ABITRAM: variants seen among roughly 807,000 people sequenced by gnomAD.
ABITRAM encodes the protein protein Abitram.
ABITRAM carries 19 observed loss-of-function variants against 22.9 expected under a neutral mutation model. The observed-to-expected ratio is 0.83, with a 90% CI of 0.58 to 1.22. The LOEUF is 1.22. ABITRAM is among the 50% of genes most tolerant of loss of function. The pLI, the probability that ABITRAM is intolerant of heterozygous loss-of-function variation, is 0.00. For missense variants in ABITRAM, 215 were observed against 220.2 expected, an observed-to-expected ratio of 0.98 and a Z score of 0.15; for synonymous variants, 70 against 73.9, an observed-to-expected ratio of 0.95 and a Z score of 0.27.
chr9:108,948,096 C>T (rs28361176), intron 3 of ABITRAM: 16 of 1,407,146 alleles, frequency 1.1e-5, no homozygotes, highest in Admixed American at 3.6e-5. Context: ...TAAGCATATA[C>T]ACATGATATA....
chr9:108,937,581 C>G (rs1830205159), intron 3 of ABITRAM, among the ~76,000 whole-genome samples: 1 of 152,176 alleles, frequency 6.6e-6, no homozygotes, highest in South Asian at 2.1e-4. Context: ...GATTTTTCCT[C>G]ACTCAAGAAA....
chr9:108,950,512 T>C (rs2132089739), exon 4 of ABITRAM: 1 of 1,549,104 alleles, frequency 6.5e-7, no homozygotes, highest in Non-Finnish European at 8.7e-7. Flanking sequence ...TCCAGAGAAT[T>C]ATCTATCTAG....
At chr9:108,947,757 C>T (rs1346412551) in intron 3 of ABITRAM, among the ~76,000 whole-genome samples, 1 of 152,014 alleles carries the variant, frequency 6.6e-6, no homozygotes, top group Non-Finnish European at 1.5e-5. Flanking sequence ...TACTTAATAC[C>T]CTCTAATAGT....
chr9:108,943,130 T>G (rs1342228554), downstream of ABITRAM: 7 of 1,210,510 alleles, frequency 5.8e-6, no homozygotes, highest in Non-Finnish European at 8.1e-6. Context: ...CATGATAAAA[T>G]TTCTCCATAT....
At chr9:108,948,124 C>T (rs920937603) in intron 3 of ABITRAM, 1 of 1,544,340 alleles carries the variant, frequency 6.5e-7, no homozygotes. Flanking sequence ...ATCTGGAAAA[C>T]ATTTATTACC....
intron 3 of ABITRAM, among the ~76,000 whole-genome samples, chr9:108,937,586 A>G (rs889374740): frequency 6.6e-6 from 1 of 152,198 alleles, no homozygotes; most frequent in African/African-American, 2.4e-5. Context: ...TTCCTCACTC[A>G]AGAAACTAGT....
chr9:108,950,717 C>T (rs1300365523), exon 4 of ABITRAM: 2 of 1,340,416 alleles, frequency 1.5e-6, no homozygotes, highest in Non-Finnish European at 1.0e-6. Flanking sequence ...GGTGACTTTG[C>T]AAAAATAAAT....
chr9:108,939,865 T>G lies in ABITRAM; in HGVS notation c.*179T>G, dbSNP rs1376829488. ...TCTTCATAATGAGCCTTGGTTCCCA[T>G]TTGTCTACAGCCTGCCAGATCTGGC... On this transcript the variant is annotated 3_prime_UTR_variant, in exon 6 of 6. Transcript: ENST00000322940. 5.9e-6 allele frequency: 4 copies of G among 676,890 alleles called. No homozygotes were observed. The highest frequency in any genetic ancestry group is 9.5e-6 in the Non-Finnish European group (4 of 419,648). The allele number at this position is 676,890 out of a possible 1,614,324, so 41.9% of individuals were successfully genotyped here.
rs113951065 is a variant in ABITRAM, at chr9:108,950,112, A to G, written c.262-395A>G. 2.6e-3 allele frequency among the ~76,000 whole-genome samples: 393 copies of G among 152,262 alleles called. 2 individuals carry two copies. Among genetic ancestry groups the G allele is most frequent in the African/African-American group, 8.9e-3 (370 of 41,544 alleles). ...ATATCAAACTATATTCATTAATAAT[A>G]TATTCCCCCAAGTCTTATTAGTCAA... On this transcript the variant is annotated intron_variant, in intron 3 of 3. Transcript: ENST00000374624.
chr9:108,935,004 A>C (rs760044547), intron 1 of ABITRAM, among the ~76,000 whole-genome samples: 1 of 152,178 alleles, frequency 6.6e-6, no homozygotes, highest in Non-Finnish European at 1.5e-5. Flanking sequence ...GATTAGAGAC[A>C]TTTAGAAAGA....
rs767557342 is a variant in ABITRAM, at chr9:108,936,365, T to G, written c.189T>G (p.Ile63Met). 47 of 1,613,864 alleles carry G rather than the reference T, an allele frequency of 2.9e-5. No homozygotes were observed. Among genetic ancestry groups the G allele is most frequent in the Non-Finnish European group, 4.2e-6 (5 of 1,179,956 alleles). Residue 63 changes from isoleucine (I) to methionine (M), a missense_variant, in exon 3 of 6, where the codon ATT (isoleucine) becomes ATG (methionine). Physicochemically the swap from Ile to Met is conservative, Grantham distance 10 (BLOSUM62 1). Transcript: ENST00000322940. ...CAGTTCTTCAAAGTGGAAAAACAAT[T>G]AAAAGCATTTCCTATCAGATCAGTA... is the stretch of plus-strand genomic sequence containing the variant. The part of the protein sequence containing the change: ...SHPVLQSGKT[I>M]KSISYQISTN...
At position 108,937,265 on chromosome 9, in the gene ABITRAM, C is replaced by A. The variant is rs73526134; in HGVS notation, c.261+828C>A. Reference sequence around the variant, plus strand: ...GTCAATGTAATACTCATGTACCCACCCCCTGTACCTGCACACAACACTCGG... The same window carrying A: ...GTCAATGTAATACTCATGTACCCACACCCTGTACCTGCACACAACACTCGG... On this transcript the variant is annotated intron_variant, in intron 3 of 5. Coordinates refer to ENST00000322940, the MANE Select transcript of ABITRAM (RefSeq NM_017832.4). Among the ~76,000 whole-genome samples, 567 of 152,264 alleles carry A rather than the reference C, an allele frequency of 3.7e-3. 4 individuals are homozygous for A. The highest frequency in any genetic ancestry group is 0.013 in the African/African-American group (546 of 41,554).
intron 3 of ABITRAM, among the ~76,000 whole-genome samples, chr9:108,946,839 G>C (rs891737623): frequency 6.6e-6 from 1 of 152,050 alleles, no homozygotes; most frequent in Non-Finnish European, 1.5e-5. Flanking sequence ...AGCTCACATA[G>C]GAAGAAGGTA....
downstream of ABITRAM, among the ~76,000 whole-genome samples, chr9:108,943,423 G>C (rs1022379783): frequency 6.6e-6 from 1 of 152,128 alleles, no homozygotes; most frequent in African/African-American, 2.4e-5. Flanking sequence ...GACCAGACTC[G>C]GAGGCACCTG....
chr9:108,946,036 C>G (rs904408169), intron 3 of ABITRAM, among the ~76,000 whole-genome samples: 13 of 152,150 alleles, frequency 8.5e-5, no homozygotes, highest in Non-Finnish European at 1.5e-4. Context: ...CATAGTGGCT[C>G]AGGCCTGTAA....
intron 5 of ABITRAM, 38 bp downstream of exon 5, chr9:108,939,492 C>A: frequency 1.9e-6 from 3 of 1,605,258 alleles, no homozygotes; most frequent in Non-Finnish European, 2.5e-6. Context: ...CATCCACATA[C>A]CTTTTATTGG....
chr9:108,950,445 C>T, intron 3 of ABITRAM: 1 of 1,518,046 alleles, frequency 6.6e-7, no homozygotes, highest in South Asian at 1.2e-5. Flanking sequence ...AAGGTACTGA[C>T]AAATGACAGC....
chr9:108,938,735 G>A (rs945080071), intron 3 of ABITRAM, among the ~76,000 whole-genome samples: 21 of 151,052 alleles, frequency 1.4e-4, no homozygotes, highest in Non-Finnish European at 2.9e-4. Context: ...AAAAGTCTTA[G>A]TGATTGACCC....
At chr9:108,938,885 C>T (rs838819) in intron 3 of ABITRAM, among the ~76,000 whole-genome samples, 72,783 of 151,890 alleles carry the variant, frequency 0.48, 17,710 homozygotes, top group Middle Eastern at 0.6. Context: ...GATTTTCCCA[C>T]ACTTTTGAAA....
Sources: allele counts gnomAD v4.1 joint callset (sites outside exome capture counted in the v4.1 genomes callset), GRCh38; gene constraint gnomAD v4.1.1; transcripts MANE v1.5; gene names NCBI Gene and HGNC (gene_info 2026-07-23, HGNC 2026-07-21).